The following UNC13B variants were observed in gnomAD, a reference collection of about 807,000 sequenced individuals.
UNC13B encodes unc-13 homolog B.
In UNC13B, 144 loss-of-function variants were observed where a neutral mutation model predicts 211.0. That is an observed-to-expected ratio of 0.68 (90% CI 0.60 to 0.78). The LOEUF (loss-of-function observed/expected upper bound fraction) is 0.78, where lower values mean the gene tolerates loss of function less well. Ranked by LOEUF, UNC13B falls within the 30% of genes least tolerant of loss-of-function variation. The probability of loss-of-function intolerance (pLI) is 0.00; values close to 1 mark genes in which losing one functional copy is unlikely to be tolerated. For missense variants in UNC13B, 1,777 were observed against 2,002.0 expected, an observed-to-expected ratio of 0.89 and a Z score of 2.14; for synonymous variants, 709 against 725.8, an observed-to-expected ratio of 0.98 and a Z score of 0.37.
chr9:35,240,693 C>T (rs2131547090), intron 5 of UNC13B, among the ~76,000 whole-genome samples: 1 of 152,070 alleles, frequency 6.6e-6, no homozygotes, highest in South Asian at 2.1e-4. Context: ...TGATTTCACT[C>T]ACTAATTACA....
chr9:35,182,679 C>G (rs963952794), intron 1 of UNC13B, among the ~76,000 whole-genome samples: 2 of 152,024 alleles, frequency 1.3e-5, no homozygotes, highest in African/African-American at 4.8e-5. Context: ...TGACTCTTAA[C>G]GAGCATGCTG....
At chr9:35,336,274 C>T (rs1293080508) in intron 11 of UNC13B, among the ~76,000 whole-genome samples, 3 of 151,506 alleles carry the variant, frequency 2.0e-5, no homozygotes, top group South Asian at 2.1e-4. Flanking sequence ...TCTTTTTTTT[C>T]TCCTCCACTT....
intron 1 of UNC13B, among the ~76,000 whole-genome samples, chr9:35,202,483 T>G (rs1214680479): frequency 6.6e-6 from 1 of 152,174 alleles, no homozygotes; most frequent in Non-Finnish European, 1.5e-5. Context: ...TGTAGGAGTC[T>G]AAGTCTCTTT....
chr9:35,322,978 A>G (rs1830815971), intron 11 of UNC13B, among the ~76,000 whole-genome samples: 1 of 151,832 alleles, frequency 6.6e-6, no homozygotes, highest in Non-Finnish European at 1.5e-5. Flanking sequence ...ATAAATGTAA[A>G]ATATAAAATT....
intron 12 of UNC13B, among the ~76,000 whole-genome samples, chr9:35,367,804 C>T (rs896266311): frequency 6.6e-6 from 1 of 152,190 alleles, no homozygotes; most frequent in African/African-American, 2.4e-5. Context: ...TCATTTTAAG[C>T]TGCTCAGTGT....
At chr9:35,238,856 C>A (rs1396239982) in intron 5 of UNC13B, among the ~76,000 whole-genome samples, 1 of 151,918 alleles carries the variant, frequency 6.6e-6, no homozygotes, top group Non-Finnish European at 1.5e-5. Context: ...CCATGCCTGG[C>A]CTACCATAAT....
chr9:35,329,014 G>A (rs550997294), intron 11 of UNC13B, among the ~76,000 whole-genome samples: 5 of 151,610 alleles, frequency 3.3e-5, no homozygotes, highest in South Asian at 2.1e-4. Flanking sequence ...CTTGTGATCC[G>A]CCCACCTCGG....
chr9:35,275,023 T>C lies in UNC13B; in HGVS notation c.526+15973T>C, dbSNP rs1004338416. Among the ~76,000 whole-genome samples the C allele has an allele frequency of 5.3e-5, 8 of 152,354 alleles. 1 individual carries two copies. The highest frequency in any genetic ancestry group is 1.9e-4 in the African/African-American group (8 of 41,588). ...AAAGTTGTAGAATGTATTGGTTTTCTTGTTAGTTTTGAATTCTTTTTTTTT... is the reference window on the plus strand; with the variant it reads ...AAAGTTGTAGAATGTATTGGTTTTCCTGTTAGTTTTGAATTCTTTTTTTTT... On this transcript the variant is annotated intron_variant, in intron 7 of 39. Transcript: ENST00000635942.
intron 11 of UNC13B, among the ~76,000 whole-genome samples, chr9:35,342,750 G>A (rs1832085338): frequency 6.6e-6 from 1 of 152,122 alleles, no homozygotes; most frequent in Non-Finnish European, 1.5e-5. Flanking sequence ...TTGCATATAT[G>A]AATATGCAAA....
Position 35,185,543 on chromosome 9 carries a change from C to T in UNC13B, c.22+23238C>T, listed in dbSNP as rs748674240. ...TTTAGCAAGAATGTTCTTCCAACCCCGAGCTTCACTCTGGGCTCTTGCTAC... is the reference window on the plus strand; with the variant it reads ...TTTAGCAAGAATGTTCTTCCAACCCTGAGCTTCACTCTGGGCTCTTGCTAC... On this transcript the variant is annotated intron_variant, in intron 1 of 39. Transcript: ENST00000635942. Among the ~76,000 whole-genome samples, 101 of 152,266 alleles carry T rather than the reference C, an allele frequency of 6.6e-4. 1 individual carries two copies. The highest frequency in any genetic ancestry group is 1.6e-3 in the Admixed American group (24 of 15,288).
chr9:35,182,371 AC>A (rs1012254253), intron 1 of UNC13B, among the ~76,000 whole-genome samples: 5 of 150,226 alleles, frequency 3.3e-5, no homozygotes, highest in South Asian at 2.1e-4. Context: ...TGCTTCTGTG[AC>A]CCCCCCTTTT....
Position 35,236,569 on chromosome 9 carries a change from A to G in UNC13B, c.253A>G (p.Ile85Val), listed in dbSNP as rs1825525109. 1.2e-6 allele frequency: 2 copies of G among 1,613,920 alleles called. No individual in the cohort carries two copies. The highest frequency in any genetic ancestry group is 1.1e-5 in the South Asian group (1 of 91,066). ...GACTGTGTGGATTGCGCTGAAGACT[A>G]TTCGTCAGTCGGATGAGGTCAGTCA... ...VGTVWIALKT[I>V]RQSDEEGPGE... Residue 85 changes from isoleucine to valine, a missense_variant, in exon 4 of 40, where the codon ATT (isoleucine) becomes GTT (valine). Coordinates refer to ENST00000635942, the MANE Select transcript of UNC13B (RefSeq NM_001371189.2).
intron 7 of UNC13B, among the ~76,000 whole-genome samples, chr9:35,259,799 G>C (rs967155577): frequency 1.1e-4 from 16 of 146,774 alleles, no homozygotes; most frequent in East Asian, 6.0e-4. Context: ...GGGGATGCGG[G>C]GGGGGGGGAT....
In UNC13B at chr9:35,243,451, A is replaced by T; in HGVS notation, c.468+87A>T. On this transcript the variant is annotated intron_variant, in intron 6 of 39. Transcript: ENST00000635942. ...GTTGCCCAGGGAGGGGCCCAAGAGC[A>T]TGTTGTCCTGAGAATGAAATCACTT... 6 of 1,352,122 alleles carry T rather than the reference A, an allele frequency of 4.4e-6. No homozygotes were observed. In the Middle Eastern group the frequency reaches 5.5e-4, roughly 124 times the overall value. The allele number at this position is 1,352,122 out of a possible 1,614,324, so 83.8% of individuals were successfully genotyped here. A position where few individuals can be genotyped will look rare whatever the true frequency, so the allele number is the denominator to read the frequency against.
At chr9:35,235,413 T>G (rs137926321) in intron 3 of UNC13B, among the ~76,000 whole-genome samples, 3 of 152,182 alleles carry the variant, frequency 2.0e-5, no homozygotes, top group East Asian at 3.9e-4. Context: ...GGACCCTACT[T>G]CTACCTGGAC....
chr9:35,400,315 G>T lies in UNC13B; in HGVS notation c.12356G>T (p.Gly4119Val). Residue 4119 changes from glycine (G) to valine (V), a missense_variant, in exon 37 of 40, where the codon GGC becomes GTC. Gly to Val is a moderately radical substitution (Grantham distance 109). Transcript: ENST00000635942. ...TTGCAGCAATACTTCCATGCAGGAGGCAATGGGCTGAAGAAAACCTTCCTG... is the reference window on the plus strand; with the variant it reads ...TTGCAGCAATACTTCCATGCAGGAGTCAATGGGCTGAAGAAAACCTTCCTG... ...DTIKQYFHAG[G>V]NGLKKTFLEK... The T allele has an allele frequency of 1.2e-6, 2 of 1,614,082 alleles. No individual in the cohort carries two copies. The highest frequency in any genetic ancestry group is 2.2e-5 in the South Asian group (2 of 91,076).
chr9:35,192,231 A>C (rs1247228572), intron 1 of UNC13B, among the ~76,000 whole-genome samples: 1 of 152,226 alleles, frequency 6.6e-6, no homozygotes, highest in Admixed American at 6.5e-5. Flanking sequence ...AGAAGGAAAA[A>C]TACCATAGAA....
At position 35,396,546 on chromosome 9, in the gene UNC13B, C is replaced by CAA; in HGVS notation, c.11380_11381dup (p.Asn3794LysfsTer95). On this transcript the variant is annotated frameshift_variant, in exon 27 of 40. Coordinates refer to ENST00000635942, the MANE Select transcript of UNC13B (RefSeq NM_001371189.2). LOFTEE classifies it high-confidence loss of function. ...TGCACTTCAAGGTGAAGTGGCTCCA[C>CAA]AATGAATACGTGCGGGATCTGCCTG... is the stretch of plus-strand genomic sequence containing the variant. 6.2e-7 allele frequency: 1 copy of CAA among 1,614,116 alleles called. No individual in the cohort carries two copies. The highest frequency in any genetic ancestry group is 8.5e-7 in the Non-Finnish European group (1 of 1,180,040).
At chr9:35,339,020 T>C (rs1284130346) in intron 11 of UNC13B, among the ~76,000 whole-genome samples, 1 of 152,130 alleles carries the variant, frequency 6.6e-6, no homozygotes, top group East Asian at 1.9e-4. Flanking sequence ...CCCATTCGGC[T>C]CCCCTTTAGA....
Sources: gnomAD v4.1 joint callset for allele counts (sites outside exome capture counted in the v4.1 genomes callset) on GRCh38, gnomAD v4.1.1 for gene constraint, MANE v1.5 for transcripts, NCBI Gene and HGNC (gene_info 2026-07-23, HGNC 2026-07-21) for gene names.